Variants in SDHAF3 observed in about 807,000 individuals in gnomAD.
The protein encoded by SDHAF3 is succinate dehydrogenase complex assembly factor 3, also known as succinate dehydrogenase assembly factor 3, mitochondrial.
In SDHAF3, 18 loss-of-function variants were observed where a neutral mutation model predicts 11.5. That is an observed-to-expected ratio of 1.56 (90% CI 1.08 to 2.32). The LOEUF (loss-of-function observed/expected upper bound fraction) is 2.32. Among genes scored for constraint, SDHAF3 ranks in the 30% most tolerant of loss-of-function variants. SDHAF3 has a pLI of 0.00. For synonymous variants in SDHAF3, 72 were observed against 59.3 expected (o/e 1.21, Z -0.99); for missense variants, 200 against 154.4 (o/e 1.30, Z -1.57).
At chr7:97,119,254 G>A (rs1402383857) in intron 1 of SDHAF3, among the ~76,000 whole-genome samples, 3 of 152,164 alleles carry the variant, frequency 2.0e-5, no homozygotes, top group African/African-American at 7.2e-5. Context: ...AGGAAGGAGA[G>A]TAGCTCTCTG....
At chr7:97,177,610 A>G (rs1260834995) in intron 1 of SDHAF3, among the ~76,000 whole-genome samples, 2 of 152,216 alleles carry the variant, frequency 1.3e-5, no homozygotes, top group Non-Finnish European at 2.9e-5. Context: ...TGTTTCACAG[A>G]TCACTGATCT....
At position 97,179,107 on chromosome 7, in the gene SDHAF3, A is replaced by G. The variant is rs192511310; in HGVS notation, c.175-1905A>G. The stretch of plus-strand genomic sequence containing the variant: ...TGTTGCCTAGATTATTCTTTCCTCC[A>G]CTGAATGGATTTGACATCTTTATCA... On this transcript the variant is annotated intron_variant, in intron 1 of 1. Coordinates refer to ENST00000432641, the MANE Select transcript of SDHAF3 (RefSeq NM_020186.3). Among the ~76,000 whole-genome samples, 138 of 152,230 alleles carry G rather than the reference A, an allele frequency of 9.1e-4. 1 individual carries two copies. The highest frequency in any genetic ancestry group is 1.5e-3 in the Non-Finnish European group (100 of 68,010).
intron 1 of SDHAF3, among the ~76,000 whole-genome samples, chr7:97,166,521 C>G (rs1044710545): frequency 6.6e-6 from 1 of 152,120 alleles, no homozygotes; most frequent in Non-Finnish European, 1.5e-5. Flanking sequence ...GATGAAGTCT[C>G]CTGATAGTAG....
chr7:97,143,725 T>C (rs1422399540), intron 1 of SDHAF3, among the ~76,000 whole-genome samples: 2 of 151,682 alleles, frequency 1.3e-5, no homozygotes, highest in Non-Finnish European at 2.9e-5. Context: ...ATCCACTCAT[T>C]GATTGATGGG....
At chr7:97,173,809 C>A (rs181515641) in intron 1 of SDHAF3, among the ~76,000 whole-genome samples, 1 of 152,160 alleles carries the variant, frequency 6.6e-6, no homozygotes, top group Non-Finnish European at 1.5e-5. Flanking sequence ...ACCTCTGCCT[C>A]CCAAAGTGCT....
intron 1 of SDHAF3, among the ~76,000 whole-genome samples, chr7:97,120,639 C>T (rs577041773): frequency 1.5e-4 from 23 of 152,028 alleles, no homozygotes; most frequent in African/African-American, 4.8e-4. Flanking sequence ...TTAATGGTTA[C>T]GTTTACATCA....
chr7:97,153,252 A>T (rs1789253042), intron 1 of SDHAF3, among the ~76,000 whole-genome samples: 1 of 152,120 alleles, frequency 6.6e-6, no homozygotes, highest in Non-Finnish European at 1.5e-5. Context: ...GTGTACTCTC[A>T]CCCTAGTTTT....
chr7:97,137,761 GTACAAGAGGGAAAGCGTC>G (rs1420149959), intron 1 of SDHAF3, among the ~76,000 whole-genome samples: 1 of 151,652 alleles, frequency 6.6e-6, no homozygotes, highest in Admixed American at 6.6e-5. Flanking sequence ...AGTAGTATGA[GTACAAGAGGGAAAGCGTC>G]TCTCTTTCTT....
At chr7:97,161,255 G>A (rs77080921) in intron 1 of SDHAF3, among the ~76,000 whole-genome samples, 3 of 152,212 alleles carry the variant, frequency 2.0e-5, no homozygotes, top group Non-Finnish European at 4.4e-5. Flanking sequence ...TAGGTTAAGT[G>A]TGTTAAATTA....
chr7:97,127,897 G>GTTTT (rs920829054), intron 1 of SDHAF3, among the ~76,000 whole-genome samples: 45 of 106,260 alleles, frequency 4.2e-4, no homozygotes, highest in Non-Finnish European at 5.2e-4. Flanking sequence ...TCTACATCAA[G>GTTTT]TTTTTTTTTT....
chr7:97,176,309 C>T (rs1789678767), intron 1 of SDHAF3, among the ~76,000 whole-genome samples: 1 of 152,180 alleles, frequency 6.6e-6, no homozygotes, highest in Non-Finnish European at 1.5e-5. Context: ...ACTGCACATT[C>T]TCTTTGGTTC....
chr7:97,150,046 C>T (rs1789194165), intron 1 of SDHAF3, among the ~76,000 whole-genome samples: 1 of 152,202 alleles, frequency 6.6e-6, no homozygotes, highest in Admixed American at 6.5e-5. Context: ...CTTTGCTCAT[C>T]CATAAGAGAG....
At chr7:97,172,619 T>A (rs1158919648) in intron 1 of SDHAF3, among the ~76,000 whole-genome samples, 1 of 152,176 alleles carries the variant, frequency 6.6e-6, no homozygotes, top group Non-Finnish European at 1.5e-5. Flanking sequence ...TTCTAGCCTG[T>A]GGGGAATTTC....
intron 1 of SDHAF3, among the ~76,000 whole-genome samples, chr7:97,123,444 T>A (rs1184843778): frequency 2.6e-5 from 4 of 152,184 alleles, no homozygotes; most frequent in African/African-American, 9.7e-5. Context: ...TAAATAGTGC[T>A]GCAGTAAACA....
chr7:97,141,563 C>G (rs896356259), intron 1 of SDHAF3, among the ~76,000 whole-genome samples: 10 of 152,066 alleles, frequency 6.6e-5, no homozygotes, highest in Admixed American at 2.6e-4. Context: ...GGTGAATTTC[C>G]CCCGATATCT....
chr7:97,169,488 C>T (rs993615364), intron 1 of SDHAF3, among the ~76,000 whole-genome samples: 6 of 152,148 alleles, frequency 3.9e-5, no homozygotes, highest in South Asian at 2.1e-4. Flanking sequence ...ATGCAGATTG[C>T]TATACATTTT....
At chr7:97,126,227 T>C (rs1239978295) in intron 1 of SDHAF3, among the ~76,000 whole-genome samples, 1 of 152,134 alleles carries the variant, frequency 6.6e-6, no homozygotes, top group Non-Finnish European at 1.5e-5. Flanking sequence ...CTGTATGAGG[T>C]GTCTGTCAAC....
At position 97,129,856 on chromosome 7, in the gene SDHAF3, G is replaced by A. The variant is rs78201941; in HGVS notation, c.174+11959G>A. On this transcript the variant is annotated intron_variant, in intron 1 of 1. Transcript: ENST00000432641. Reference sequence around the variant, plus strand: ...GCACAGAGCAGCAAAGGATATGTGAGCAAGCGAGTGTGGGATCCAGCCATG... The same window carrying A: ...GCACAGAGCAGCAAAGGATATGTGAACAAGCGAGTGTGGGATCCAGCCATG... Among the ~76,000 whole-genome samples, 466 of 152,240 alleles carry A rather than the reference G, an allele frequency of 3.1e-3. 3 individuals carry two copies. The highest frequency in any genetic ancestry group is 0.011 in the African/African-American group (448 of 41,550).
intron 1 of SDHAF3, among the ~76,000 whole-genome samples, chr7:97,134,458 C>G (rs531742309): frequency 4.6e-5 from 7 of 152,110 alleles, no homozygotes; most frequent in Non-Finnish European, 1.0e-4. Flanking sequence ...AAAGAACTTT[C>G]GTTTTTGAGA....
Sources: gnomAD v4.1 joint callset for allele counts (sites outside exome capture counted in the v4.1 genomes callset) on GRCh38, gnomAD v4.1.1 for gene constraint, MANE v1.5 for transcripts, NCBI Gene and HGNC (gene_info 2026-07-23, HGNC 2026-07-21) for gene names.